CTSB: variants seen among roughly 807,000 people sequenced by gnomAD.
CTSB encodes the protein cathepsin B.
CTSB carries 57 observed loss-of-function variants against 44.3 expected under a neutral mutation model. The observed-to-expected ratio is 1.29, with a 90% CI of 1.04 to 1.60. The LOEUF (loss-of-function observed/expected upper bound fraction) is 1.60, where lower values mean the gene tolerates loss of function less well. Among genes scored for constraint, CTSB ranks in the 40% most tolerant of loss-of-function variants. CTSB has a pLI of 0.00. For synonymous variants in CTSB, 320 were observed against 168.0 expected (o/e 1.91, Z -7.00); for missense variants, 768 against 443.0 (o/e 1.73, Z -6.59).
chr8:11,863,031 G>A (rs969485585), intron 1 of CTSB, among the ~76,000 whole-genome samples: 1 of 152,168 alleles, frequency 6.6e-6, no homozygotes, highest in Admixed American at 6.5e-5. Context: ...ATCAGTTCTG[G>A]GCTGAGCACA....
chr8:11,845,284 C>T (rs1440722215), intron 9 of CTSB, 62 bp from the exon 10 acceptor site: 3 of 1,307,044 alleles, frequency 2.3e-6, no homozygotes, highest in South Asian at 1.2e-5. Context: ...TAGTCAGACT[C>T]ATCCTTAAAA....
chr8:11,854,320 C>T (rs1267864688), intron 1 of CTSB, among the ~76,000 whole-genome samples: 2 of 152,178 alleles, frequency 1.3e-5, no homozygotes, highest in African/African-American at 4.8e-5. Flanking sequence ...CTACCTCCCA[C>T]AGGTCACAGG....
At chr8:11,867,663 T>C (rs1784295908) in intron 1 of CTSB, 1 of 152,218 alleles carries the variant, frequency 6.6e-6, no homozygotes, top group African/African-American at 2.4e-5. Flanking sequence ...GGCCGAGCTC[T>C]TCCTCGCAGG....
At chr8:11,865,162 T>C (rs1816945035) in intron 1 of CTSB, among the ~76,000 whole-genome samples, 1 of 151,972 alleles carries the variant, frequency 6.6e-6, no homozygotes, top group Non-Finnish European at 1.5e-5. Context: ...ACCCCAACCA[T>C]CTCCCTTTAC....
At chr8:11,865,313 G>A (rs1035472602) in intron 1 of CTSB, among the ~76,000 whole-genome samples, 1 of 152,170 alleles carries the variant, frequency 6.6e-6, no homozygotes, top group Non-Finnish European at 1.5e-5. Context: ...GGGAGGCCGA[G>A]GTGGGCGGAT....
Position 11,844,445 on chromosome 8 carries a change from A to C in CTSB, c.*680T>G, listed in dbSNP as rs1056742908. The C allele has an allele frequency of 5.9e-5, 9 of 152,260 alleles. No individual in the cohort carries two copies. Among genetic ancestry groups the C allele is most frequent in the African/African-American group, 2.2e-4 (9 of 41,468 alleles). The allele number at this position is 152,260 out of a possible 1,614,324, so 9.4% of individuals were successfully genotyped here. Reference sequence around the variant, plus strand: ...TATTTTCCTTGTGGTAGTAGAGATCAGTGGGTCAGAAACAACTCCTGACCA... The same window carrying C: ...TATTTTCCTTGTGGTAGTAGAGATCCGTGGGTCAGAAACAACTCCTGACCA... On this transcript the variant is annotated 3_prime_UTR_variant, in exon 10 of 10. Transcript: ENST00000353047.
rs758707397 is a variant in CTSB, at chr8:11,848,060, C to T, written c.532+7G>A. The T allele has an allele frequency of 3.1e-6, 5 of 1,607,754 alleles. No individual in the cohort carries two copies. Among genetic ancestry groups the T allele is most frequent in the Non-Finnish European group, 4.3e-6 (5 of 1,175,574 alleles). On this transcript the variant is annotated splice_region_variant and intron_variant, in intron 6 of 9. Transcript: ENST00000353047. ...TGGCCAGAAAGTGGCCAAGGGGACACACTTACCTACATGGGATTCATAGAG... is the reference window on the plus strand; with the variant it reads ...TGGCCAGAAAGTGGCCAAGGGGACATACTTACCTACATGGGATTCATAGAG...
chr8:11,859,585 G>C (rs1816058399), intron 1 of CTSB, among the ~76,000 whole-genome samples: 1 of 150,906 alleles, frequency 6.6e-6, no homozygotes, highest in South Asian at 2.1e-4. Flanking sequence ...TACTAAACAA[G>C]GTGAAACTCC....
chr8:11,854,896 G>C (rs62495699), intron 1 of CTSB: 1 of 152,352 alleles, frequency 6.6e-6, no homozygotes, highest in Non-Finnish European at 1.5e-5. Flanking sequence ...CACATCCTCC[G>C]TGGAGGAATC....
intron 1 of CTSB, among the ~76,000 whole-genome samples, chr8:11,855,164 G>T (rs1815304228): frequency 6.6e-6 from 1 of 152,138 alleles, no homozygotes; most frequent in Admixed American, 6.5e-5. Context: ...CGGGATTACA[G>T]GCATGTGCCA....
chr8:11,853,161 G>C (rs1330142892), intron 2 of CTSB, among the ~76,000 whole-genome samples, 168 bp downstream of exon 2: 1 of 151,998 alleles, frequency 6.6e-6, no homozygotes, highest in Non-Finnish European at 1.5e-5. Context: ...TGGGACAAAG[G>C]AGGGAGGCGT....
chr8:11,865,369 C>T (rs1031260287), intron 1 of CTSB: 14 of 151,714 alleles, frequency 9.2e-5, no homozygotes, highest in African/African-American at 3.4e-4. Context: ...GTGGCAAAAC[C>T]CCCACATTGG....
At chr8:11,866,467 G>A (rs956598438) in intron 1 of CTSB, among the ~76,000 whole-genome samples, 1 of 152,244 alleles carries the variant, frequency 6.6e-6, no homozygotes, top group Non-Finnish European at 1.5e-5. Context: ...ACGAAGGGAA[G>A]CCTCTGTTCT....
At chr8:11,862,021 C>T (rs183863270) in intron 1 of CTSB, among the ~76,000 whole-genome samples, 2 of 152,108 alleles carry the variant, frequency 1.3e-5, no homozygotes, top group Non-Finnish European at 2.9e-5. Context: ...TCCTGGATAA[C>T]ACGGTGAAAC....
In CTSB at chr8:11,843,351, A is replaced by T. The variant is rs1174305377; in HGVS notation, c.*1774T>A. 6.6e-6 allele frequency: 1 copy of T among 152,190 alleles called. No individual in the cohort carries two copies. Among genetic ancestry groups the T allele is most frequent in the African/African-American group, 2.4e-5 (1 of 41,434 alleles). The allele number at this position is 152,190 out of a possible 1,614,324, so 9.4% of individuals were successfully genotyped here. On this transcript the variant is annotated 3_prime_UTR_variant, in exon 10 of 10. Transcript: ENST00000353047. ...TCTAGCATCTGGTTCCTAAATTCTG[A>T]GTCACATCAGAAGCCAAACTTGAAT...
At position 11,845,090 on chromosome 8, in the gene CTSB, C is replaced by A. The variant is rs369198012; in HGVS notation, c.*35G>T. On this transcript the variant is annotated 3_prime_UTR_variant, in exon 10 of 10. Coordinates refer to ENST00000353047, the MANE Select transcript of CTSB (RefSeq NM_001908.5). ...ATAAAATGCATTTCTACCCCGATCT[C>A]GCCCCCAGGACTGGCACGACAGGCC... is the stretch of plus-strand genomic sequence containing the variant. The A allele has an allele frequency of 2.9e-5, 40 of 1,387,716 alleles. No individual in the cohort carries two copies. Among genetic ancestry groups the A allele is most frequent in the Non-Finnish European group, 3.8e-5 (37 of 974,620 alleles). 86.0% of individuals were successfully genotyped at this position (1,387,716 alleles called of 1,614,324 possible). A position where few individuals can be genotyped will look rare whatever the true frequency, so the allele number is the denominator to read the frequency against.
intron 4 of CTSB, among the ~76,000 whole-genome samples, chr8:11,850,347 A>G (rs1279183985): frequency 7.2e-6 from 1 of 138,888 alleles, no homozygotes; most frequent in Non-Finnish European, 1.5e-5. Flanking sequence ...TGAACCCAGG[A>G]GGCAGAGGTT....
At chr8:11,860,853 C>T (rs1816305770) in intron 1 of CTSB, among the ~76,000 whole-genome samples, 1 of 152,188 alleles carries the variant, frequency 6.6e-6, no homozygotes, top group Non-Finnish European at 1.5e-5. Context: ...GCAGTTGCTC[C>T]TGAAGTTTTG....
At chr8:11,851,026 C>T (rs1288364578) in intron 3 of CTSB, 46 bp from the exon 4 acceptor site, 9 of 1,424,572 alleles carry the variant, frequency 6.3e-6, no homozygotes, top group Non-Finnish European at 8.8e-6. Flanking sequence ...CCCACAACTC[C>T]CTCCCCAATC....
Sources: allele counts gnomAD v4.1 joint callset (sites outside exome capture counted in the v4.1 genomes callset), GRCh38; gene constraint gnomAD v4.1.1; transcripts MANE v1.5; gene names NCBI Gene and HGNC (gene_info 2026-07-23, HGNC 2026-07-21).